The following EFCAB11 variants were observed in gnomAD, a reference collection of about 807,000 sequenced individuals.
EFCAB11 encodes the protein EF-hand calcium binding domain 11.
In EFCAB11, 14 loss-of-function variants were observed where a neutral mutation model predicts 23.0. The observed-to-expected ratio is 0.61, with a 90% CI of 0.40 to 0.95. EFCAB11 has a LOEUF of 0.95. Ranked by LOEUF, EFCAB11 falls within the 40% of genes least tolerant of loss-of-function variation. EFCAB11 has a pLI of 0.00. For missense variants in EFCAB11, 198 were observed against 195.8 expected (o/e 1.01, Z -0.07); for synonymous variants, 65 against 66.6 (o/e 0.98, Z 0.11).
intron 5 of EFCAB11, among the ~76,000 whole-genome samples, chr14:89,862,673 T>G (rs1286165344): frequency 6.6e-6 from 1 of 152,234 alleles, no homozygotes. Context: ...TTAAAAGAAC[T>G]GAATTATGCA....
At chr14:89,907,832 G>A (rs1373989659) in intron 5 of EFCAB11, among the ~76,000 whole-genome samples, 1 of 152,170 alleles carries the variant, frequency 6.6e-6, no homozygotes, top group East Asian at 1.9e-4. Flanking sequence ...AGCAGTTAAT[G>A]GGATCTTAGC....
At chr14:89,898,974 T>G (rs1282861529) in intron 5 of EFCAB11, among the ~76,000 whole-genome samples, 1 of 152,194 alleles carries the variant, frequency 6.6e-6, no homozygotes, top group Non-Finnish European at 1.5e-5. Flanking sequence ...ATGCTTGGCC[T>G]GCAATTTTCT....
chr14:89,820,920 CAT>C (rs1312092814), intron 5 of EFCAB11, among the ~76,000 whole-genome samples: 1 of 151,660 alleles, frequency 6.6e-6, no homozygotes, highest in Non-Finnish European at 1.5e-5. Flanking sequence ...TACATAATAA[CAT>C]ATATATTTAT....
At chr14:89,931,908 T>C (rs1485089719) in intron 4 of EFCAB11, among the ~76,000 whole-genome samples, 3 of 152,218 alleles carry the variant, frequency 2.0e-5, no homozygotes, top group East Asian at 3.8e-4. Context: ...TAGCACTATA[T>C]AGAGACATGC....
At chr14:89,935,397 G>GA (rs775970336) in intron 3 of EFCAB11, among the ~76,000 whole-genome samples, 3 of 135,796 alleles carry the variant, frequency 2.2e-5, no homozygotes, top group Non-Finnish European at 3.1e-5. Flanking sequence ...ATGCATGTGG[G>GA]TTTTTTTTTT....
intron 1 of EFCAB11, chr14:89,954,363 G>A (rs1281414477): frequency 2.6e-6 from 4 of 1,536,134 alleles, no homozygotes; most frequent in Admixed American, 2.0e-5. Context: ...ACCATTAATA[G>A]ACTATATAGA....
At chr14:89,945,326 G>C (rs552445062) in intron 3 of EFCAB11, among the ~76,000 whole-genome samples, 1 of 152,180 alleles carries the variant, frequency 6.6e-6, no homozygotes, top group Admixed American at 6.5e-5. Flanking sequence ...GAGGTCATCA[G>C]TTTGACACCT....
intron 5 of EFCAB11, among the ~76,000 whole-genome samples, chr14:89,893,697 C>A (rs1198461882): frequency 6.6e-6 from 1 of 151,802 alleles, no homozygotes; most frequent in Non-Finnish European, 1.5e-5. Flanking sequence ...TATCCCCCTG[C>A]CCAATCCTGC....
chr14:89,868,883 T>A (rs1469662671), intron 5 of EFCAB11, among the ~76,000 whole-genome samples: 2 of 152,176 alleles, frequency 1.3e-5, no homozygotes, highest in Non-Finnish European at 2.9e-5. Context: ...CCTGCTTTCT[T>A]ACAGAAACAA....
At chr14:89,804,729 C>T (rs988927623) in intron 5 of EFCAB11, among the ~76,000 whole-genome samples, 6 of 152,190 alleles carry the variant, frequency 3.9e-5, no homozygotes, top group African/African-American at 1.4e-4. Context: ...AGAGATCAGA[C>T]TATTCCTCTA....
intron 2 of EFCAB11, among the ~76,000 whole-genome samples, chr14:89,953,645 C>T (rs1313396273): frequency 6.6e-6 from 1 of 152,224 alleles, no homozygotes; most frequent in African/African-American, 2.4e-5. Context: ...TCCCTCTTGG[C>T]ACCTCTCTAG....
chr14:89,876,059 G>A (rs961208725), intron 5 of EFCAB11, among the ~76,000 whole-genome samples: 1 of 152,174 alleles, frequency 6.6e-6, no homozygotes, highest in Non-Finnish European at 1.5e-5. Context: ...GAGGTTGTTG[G>A]TGAGCACAGC....
chr14:89,884,572 A>G (rs1888695948), intron 5 of EFCAB11, among the ~76,000 whole-genome samples: 2 of 152,256 alleles, frequency 1.3e-5, no homozygotes, highest in Admixed American at 1.3e-4. Context: ...AGAAAAGAAA[A>G]AGAAATCAAT....
intron 5 of EFCAB11, among the ~76,000 whole-genome samples, chr14:89,893,557 GTCCA>G (rs1308013788): frequency 6.6e-6 from 1 of 151,598 alleles, no homozygotes; most frequent in African/African-American, 2.4e-5. Context: ...CGTATCCAAA[GTCCA>G]TCTCCTGGGG....
intron 5 of EFCAB11, among the ~76,000 whole-genome samples, chr14:89,852,660 G>C (rs1405024094): frequency 6.6e-6 from 1 of 152,206 alleles, no homozygotes; most frequent in South Asian, 2.1e-4. Context: ...AAACAATCTC[G>C]ATGTGGACTC....
intron 5 of EFCAB11, among the ~76,000 whole-genome samples, chr14:89,870,939 CAAAACA>C (rs546217128): frequency 6.6e-5 from 10 of 152,160 alleles, no homozygotes; most frequent in African/African-American, 2.2e-4. Flanking sequence ...GATTTTGTCT[CAAAACA>C]AAAACAAAAA....
intron 4 of EFCAB11, 91 bp downstream of exon 4, chr14:89,932,435 T>C (rs1048946050): frequency 2.2e-6 from 2 of 927,446 alleles, no homozygotes; most frequent in Non-Finnish European, 3.3e-6. Flanking sequence ...CTTCCAAGTA[T>C]ATTATATATT....
intron 5 of EFCAB11, among the ~76,000 whole-genome samples, chr14:89,843,260 TG>T (rs1265522019): frequency 6.6e-6 from 1 of 152,194 alleles, no homozygotes; most frequent in Non-Finnish European, 1.5e-5. Context: ...ATACTAGAAA[TG>T]AATATTAAAA....
intron 3 of EFCAB11, among the ~76,000 whole-genome samples, chr14:89,939,134 T>C (rs1028571703): frequency 2.0e-5 from 3 of 152,126 alleles, no homozygotes; most frequent in East Asian, 1.9e-4. Context: ...AAAGTCCTAA[T>C]ACCTTATTCT....
Sources: allele counts gnomAD v4.1 joint callset (sites outside exome capture counted in the v4.1 genomes callset), GRCh38; gene constraint gnomAD v4.1.1; transcripts MANE v1.5; gene names NCBI Gene and HGNC (gene_info 2026-07-23, HGNC 2026-07-21).